The following CDC42SE2 variants were observed in gnomAD, a reference collection of about 807,000 sequenced individuals.
CDC42SE2 encodes CDC42 small effector protein 2.
CDC42SE2 carries 3 observed loss-of-function variants against 11.5 expected under a neutral mutation model. The observed-to-expected ratio is 0.26, with a 90% CI of 0.12 to 0.67. The LOEUF is 0.67. Among genes scored for constraint, CDC42SE2 ranks in the 30% least tolerant of loss-of-function variants. CDC42SE2 has a pLI of 0.80. For missense variants in CDC42SE2, 82 were observed against 106.8 expected (o/e 0.77, Z 1.02); for synonymous variants, 33 against 34.8 (o/e 0.95, Z 0.18).
chr5:131,250,915 A>G (rs1478834565), intron 1 of CDC42SE2, among the ~76,000 whole-genome samples: 1 of 152,144 alleles, frequency 6.6e-6, no homozygotes, highest in Non-Finnish European at 1.5e-5. Context: ...AGCAATTACA[A>G]CAAATATACC....
At chr5:131,379,458 TGAGG>T (rs1750256365) in intron 3 of CDC42SE2, among the ~76,000 whole-genome samples, 1 of 152,230 alleles carries the variant, frequency 6.6e-6, no homozygotes, top group Admixed American at 6.5e-5. Flanking sequence ...GCCAGAAATG[TGAGG>T]GAGGTAGATA....
intron 2 of CDC42SE2, among the ~76,000 whole-genome samples, chr5:131,347,473 C>G (rs1223106511): frequency 6.6e-6 from 1 of 152,110 alleles, no homozygotes; most frequent in Non-Finnish European, 1.5e-5. Flanking sequence ...CCTGAATAGA[C>G]CAATAACAGG....
chr5:131,375,031 CTTTTTT>C (rs371146670), intron 3 of CDC42SE2, among the ~76,000 whole-genome samples: 3 of 138,636 alleles, frequency 2.2e-5, no homozygotes, highest in Admixed American at 7.2e-5. Context: ...TTCTCCCCTC[CTTTTTT>C]TTTTTTTTTT....
chr5:131,310,871 C>T (rs961540878), intron 1 of CDC42SE2, among the ~76,000 whole-genome samples: 1 of 152,130 alleles, frequency 6.6e-6, no homozygotes, highest in East Asian at 1.9e-4. Context: ...GAATACAGCA[C>T]ACTGATGGGT....
chr5:131,349,012 T>G (rs955132934), intron 2 of CDC42SE2, among the ~76,000 whole-genome samples: 8 of 152,146 alleles, frequency 5.3e-5, no homozygotes, highest in African/African-American at 1.4e-4. Context: ...AAGACTTAAA[T>G]GTTAGACCTA....
At chr5:131,325,621 T>C (rs1393514020) in intron 2 of CDC42SE2, among the ~76,000 whole-genome samples, 4 of 152,178 alleles carry the variant, frequency 2.6e-5, no homozygotes, top group African/African-American at 9.7e-5. Context: ...AAACAGCTGA[T>C]GTAGTTGCAA....
chr5:131,313,184 A>G (rs563371884), intron 1 of CDC42SE2, among the ~76,000 whole-genome samples: 2 of 151,920 alleles, frequency 1.3e-5, no homozygotes, highest in Non-Finnish European at 2.9e-5. Context: ...GGGTTTTGCC[A>G]TGTTAGCCAG....
chr5:131,365,569 T>C lies in CDC42SE2; in HGVS notation c.54+6022T>C, dbSNP rs543029091. On this transcript the variant is annotated intron_variant, in intron 3 of 4. Coordinates refer to ENST00000505065, the MANE Select transcript of CDC42SE2 (RefSeq NM_001375635.1). ...AGTATAGTAAAAGTGTCAATTTTTT[T>C]CCTTCTTCTGAAAACACAAATGTGC... 3.3e-5 allele frequency among the ~76,000 whole-genome samples: 5 copies of C among 152,358 alleles called. No individual in the cohort carries two copies. In the South Asian group the frequency reaches 1.0e-3, roughly 32 times the overall value.
chr5:131,350,405 A>G (rs1395399300), intron 2 of CDC42SE2, among the ~76,000 whole-genome samples: 2 of 152,026 alleles, frequency 1.3e-5, no homozygotes, highest in Admixed American at 1.3e-4. Context: ...ACAAAATATT[A>G]ATGTCAAAAT....
chr5:131,306,873 T>C (rs549123774), intron 1 of CDC42SE2, among the ~76,000 whole-genome samples: 1 of 152,248 alleles, frequency 6.6e-6, no homozygotes, highest in East Asian at 1.9e-4. Flanking sequence ...AATTGATTTC[T>C]TAATTTTTTT....
chr5:131,275,309 T>C (rs559436084), intron 1 of CDC42SE2, among the ~76,000 whole-genome samples: 6 of 152,114 alleles, frequency 3.9e-5, no homozygotes, highest in African/African-American at 1.4e-4. Context: ...TTTTTTTTTT[T>C]TTTTTGAGAC....
At chr5:131,381,353 C>T (rs1286569696) in intron 3 of CDC42SE2, among the ~76,000 whole-genome samples, 4 of 151,100 alleles carry the variant, frequency 2.6e-5, no homozygotes, top group African/African-American at 4.9e-5. Flanking sequence ...AGAGAAGTCT[C>T]GCTCTTGTCC....
intron 2 of CDC42SE2, among the ~76,000 whole-genome samples, chr5:131,346,346 T>C (rs746562318): frequency 1.6e-3 from 249 of 152,272 alleles, no homozygotes; most frequent in African/African-American, 5.7e-3. Context: ...AAGGAGGGGT[T>C]GCAATCCTAG....
chr5:131,247,990 T>G (rs1486705869), intron 1 of CDC42SE2, among the ~76,000 whole-genome samples: 1 of 151,984 alleles, frequency 6.6e-6, no homozygotes, highest in Non-Finnish European at 1.5e-5. Context: ...ATTTTAAAAA[T>G]TATTTACAAT....
intron 1 of CDC42SE2, among the ~76,000 whole-genome samples, chr5:131,297,590 G>A (rs1252718254): frequency 6.6e-6 from 1 of 151,936 alleles, no homozygotes; most frequent in Non-Finnish European, 1.5e-5. Context: ...CGTGGTGGCG[G>A]GTGCCTGTAG....
chr5:131,298,418 G>A (rs1382252085), intron 1 of CDC42SE2, among the ~76,000 whole-genome samples: 1 of 151,348 alleles, frequency 6.6e-6, no homozygotes, highest in Non-Finnish European at 1.5e-5. Context: ...CACCGCGCCC[G>A]GCATCTTTAA....
At chr5:131,388,638 C>T (rs984466761) in intron 4 of CDC42SE2, among the ~76,000 whole-genome samples, 2 of 152,078 alleles carry the variant, frequency 1.3e-5, no homozygotes, top group Non-Finnish European at 1.5e-5. Flanking sequence ...TACAACCTTG[C>T]GTTAAAATAT....
At chr5:131,376,444 A>G (rs1204890145) in intron 3 of CDC42SE2, among the ~76,000 whole-genome samples, 1 of 152,148 alleles carries the variant, frequency 6.6e-6, no homozygotes, top group African/African-American at 2.4e-5. Context: ...GTATCTTATA[A>G]GTACTCTTTA....
At chr5:131,251,318 A>G (rs930760311) in intron 1 of CDC42SE2, among the ~76,000 whole-genome samples, 7 of 152,040 alleles carry the variant, frequency 4.6e-5, no homozygotes, top group Non-Finnish European at 1.0e-4. Context: ...CTACACCAAG[A>G]AATCACTGTG....
Sources: gnomAD v4.1 joint callset for allele counts (sites outside exome capture counted in the v4.1 genomes callset) on GRCh38, gnomAD v4.1.1 for gene constraint, MANE v1.5 for transcripts, NCBI Gene and HGNC (gene_info 2026-07-23, HGNC 2026-07-21) for gene names.